Variants in SIPA1L1 observed in about 807,000 individuals in gnomAD.
SIPA1L1 encodes the protein signal induced proliferation associated 1 like 1, also known as signal-induced proliferation-associated 1-like protein 1.
SIPA1L1 carries 26 observed loss-of-function variants against 162.7 expected under a neutral mutation model. The observed-to-expected ratio is 0.16, with a 90% CI of 0.12 to 0.22. The LOEUF (loss-of-function observed/expected upper bound fraction) is 0.22, where lower values mean the gene tolerates loss of function less well. Among genes scored for constraint, SIPA1L1 ranks in the 10% least tolerant of loss-of-function variants. The pLI is 1.00. For missense variants in SIPA1L1, 1,874 were observed against 2,241.0 expected, an observed-to-expected ratio of 0.84 and a Z score of 3.31; for synonymous variants, 829 against 837.4, an observed-to-expected ratio of 0.99 and a Z score of 0.17.
At chr14:71,709,707 A>G in intron 17 of SIPA1L1, 43 bp downstream of exon 17, 1 of 1,547,284 alleles carries the variant, frequency 6.5e-7, no homozygotes, top group Non-Finnish European at 8.8e-7. Flanking sequence ...CCCAGACCTA[A>G]GCCCAGTTCC....
At chr14:71,680,951 C>T (rs2045744706) in intron 12 of SIPA1L1, among the ~76,000 whole-genome samples, 1 of 152,170 alleles carries the variant, frequency 6.6e-6, no homozygotes, top group Non-Finnish European at 1.5e-5. Context: ...GGGTGGAGCC[C>T]TAGCCAGGGA....
intron 12 of SIPA1L1, among the ~76,000 whole-genome samples, chr14:71,673,631 A>G (rs1052201258): frequency 1.3e-5 from 2 of 152,160 alleles, no homozygotes; most frequent in Non-Finnish European, 2.9e-5. Flanking sequence ...TACTTTGCTC[A>G]GGATAGTATT....
In SIPA1L1 at chr14:71,701,460, C is replaced by G. The variant is rs1352266008; in HGVS notation, c.3522-921C>G. On this transcript the variant is annotated intron_variant, in intron 14 of 23. Coordinates refer to ENST00000381232, the MANE Select transcript of SIPA1L1 (RefSeq NM_001386936.1). ...TTGACTCTTGTCTTCAAGTGATCCTCCTGTATCTGCCTCCCAAAATGCTGG... is the reference window on the plus strand; with the variant it reads ...TTGACTCTTGTCTTCAAGTGATCCTGCTGTATCTGCCTCCCAAAATGCTGG... Among the ~76,000 whole-genome samples the G allele has an allele frequency of 2.0e-5, 3 of 151,792 alleles. No individual in the cohort carries two copies. In the East Asian group the frequency reaches 5.8e-4, roughly 29 times the overall value.
chr14:71,633,641 T>C (rs547065809), intron 7 of SIPA1L1, among the ~76,000 whole-genome samples: 1 of 152,320 alleles, frequency 6.6e-6, no homozygotes, highest in Admixed American at 6.5e-5. Context: ...ATTAGCAGTC[T>C]ACCAAAAATT....
intron 2 of SIPA1L1, among the ~76,000 whole-genome samples, chr14:71,323,272 A>G (rs1209892623): frequency 2.0e-5 from 3 of 152,188 alleles, no homozygotes; most frequent in Non-Finnish European, 2.9e-5. Context: ...TGATGTATAT[A>G]TGTTCTATCT....
intron 2 of SIPA1L1, among the ~76,000 whole-genome samples, chr14:71,327,030 G>A (rs1400564163): frequency 6.6e-6 from 1 of 150,392 alleles, no homozygotes; most frequent in African/African-American, 2.4e-5. Context: ...TATTTTTTGG[G>A]CTCATTGCCT....
intron 16 of SIPA1L1, among the ~76,000 whole-genome samples, chr14:71,707,135 GCACACACACACGCA>G (rs1195611889): frequency 2.0e-5 from 3 of 149,114 alleles, no homozygotes; most frequent in Non-Finnish European, 4.5e-5. Flanking sequence ...ACACACGCAC[GCACACACACACGCA>G]CACACACACA....
At chr14:71,525,174 A>G (rs1018947471) in intron 3 of SIPA1L1, among the ~76,000 whole-genome samples, 1 of 148,576 alleles carries the variant, frequency 6.7e-6, no homozygotes, top group East Asian at 2.0e-4. Context: ...GGGTTTTGCT[A>G]TGTAGCCCAA....
intron 3 of SIPA1L1, among the ~76,000 whole-genome samples, chr14:71,514,695 G>A (rs893850889): frequency 6.6e-6 from 1 of 152,128 alleles, no homozygotes; most frequent in African/African-American, 2.4e-5. Flanking sequence ...CACCCACATT[G>A]TGGAGGATAA....
chr14:71,417,287 C>T (rs1057463567), intron 2 of SIPA1L1, among the ~76,000 whole-genome samples: 4 of 151,000 alleles, frequency 2.6e-5, no homozygotes, highest in Non-Finnish European at 4.4e-5. Context: ...CTGGCTAACA[C>T]GGTGAAACCC....
chr14:71,514,002 A>G (rs1421744722), intron 3 of SIPA1L1, among the ~76,000 whole-genome samples: 1 of 152,128 alleles, frequency 6.6e-6, no homozygotes, highest in East Asian at 1.9e-4. Context: ...AGCAACCTCA[A>G]TTCTTGCCTC....
At chr14:71,496,721 C>T (rs1300672065) in intron 2 of SIPA1L1, among the ~76,000 whole-genome samples, 1 of 143,162 alleles carries the variant, frequency 7.0e-6, no homozygotes, top group African/African-American at 2.5e-5. Context: ...AATGAATTGT[C>T]TCTCTCAGTT....
Position 71,351,970 on chromosome 14 carries a change from A to G in SIPA1L1, c.-465+30789A>G, listed in dbSNP as rs557409971. 1.1e-4 allele frequency among the ~76,000 whole-genome samples: 16 copies of G among 150,920 alleles called. No homozygotes were observed. In the East Asian group the frequency reaches 2.7e-3, roughly 26 times the overall value. ...TAAACAACATAAGTTTGTAAAATAT[A>G]TCTAGTATGTGAGATAGTGTGCTAG... On this transcript the variant is annotated intron_variant, in intron 2 of 23. Coordinates refer to ENST00000381232, the MANE Select transcript of SIPA1L1 (RefSeq NM_001386936.1).
At chr14:71,727,610 C>T (rs1324564036) in intron 19 of SIPA1L1, among the ~76,000 whole-genome samples, 1 of 152,116 alleles carries the variant, frequency 6.6e-6, no homozygotes. Context: ...AAGTTAGAAC[C>T]AGCCCCCTTC....
intron 4 of SIPA1L1, among the ~76,000 whole-genome samples, chr14:71,529,708 A>G (rs1302134441): frequency 6.6e-6 from 1 of 152,230 alleles, no homozygotes; most frequent in Non-Finnish European, 1.5e-5. Flanking sequence ...CGCCCTGATT[A>G]GGAGCAGTCT....
intron 2 of SIPA1L1, among the ~76,000 whole-genome samples, chr14:71,505,461 T>C (rs1486356353): frequency 2.0e-5 from 3 of 151,680 alleles, no homozygotes; most frequent in African/African-American, 7.3e-5. Context: ...TAGGTTTTTG[T>C]CTCTGTGTCA....
At chr14:71,513,824 A>G (rs1260973774) in intron 3 of SIPA1L1, among the ~76,000 whole-genome samples, 1 of 152,170 alleles carries the variant, frequency 6.6e-6, no homozygotes, top group Non-Finnish European at 1.5e-5. Context: ...CGAGTAAGCC[A>G]ATTAGGGATG....
At chr14:71,362,417 G>A (rs2037898530) in intron 2 of SIPA1L1, among the ~76,000 whole-genome samples, 1 of 152,160 alleles carries the variant, frequency 6.6e-6, no homozygotes. Context: ...CAGTGTTAAA[G>A]CAGATGGAAG....
At chr14:71,646,229 T>C (rs914685104) in intron 7 of SIPA1L1, among the ~76,000 whole-genome samples, 5 of 150,324 alleles carry the variant, frequency 3.3e-5, no homozygotes, top group South Asian at 2.1e-4. Flanking sequence ...CAGGCTGGAG[T>C]GCAGTGGCGC....
Sources: allele counts gnomAD v4.1 joint callset (sites outside exome capture counted in the v4.1 genomes callset), GRCh38; gene constraint gnomAD v4.1.1; transcripts MANE v1.5; gene names NCBI Gene and HGNC (gene_info 2026-07-23, HGNC 2026-07-21).